The following TMEM135 variants were observed in gnomAD, a reference collection of about 807,000 sequenced individuals.
The protein encoded by TMEM135 is peroxisomal membrane protein 52.
In TMEM135, 30 loss-of-function variants were observed where a neutral mutation model predicts 60.3. The ratio of observed to expected loss-of-function variants is 0.50; its 90% CI spans 0.37 to 0.68. The LOEUF (loss-of-function observed/expected upper bound fraction) is 0.68, where lower values mean the gene tolerates loss of function less well. TMEM135 is among the 30% of genes least tolerant of loss of function. The pLI is 0.00. For synonymous variants in TMEM135, 190 were observed against 186.7 expected, an observed-to-expected ratio of 1.02 and a Z score of -0.14; for missense variants, 468 against 548.8, an observed-to-expected ratio of 0.85 and a Z score of 1.47.
In TMEM135 at chr11:87,322,042, G is replaced by A. The variant is rs1397542139; in HGVS notation, c.*709G>A. 2 of 454,238 alleles carry A rather than the reference G, an allele frequency of 4.4e-6. No homozygotes were observed. Among genetic ancestry groups the A allele is most frequent in the Non-Finnish European group, 8.8e-6 (2 of 226,738 alleles). 28.1% of individuals were successfully genotyped at this position (454,238 alleles called of 1,614,324 possible). On this transcript the variant is annotated 3_prime_UTR_variant, in exon 15 of 15. Coordinates refer to ENST00000305494, the MANE Select transcript of TMEM135 (RefSeq NM_022918.4). ...CCTATGTACTAATGGCAAGTTAGGG[G>A]CAAATGGAAATGGACACATCCGATA...
At chr11:87,263,144 G>A (rs570145170) in intron 6 of TMEM135, among the ~76,000 whole-genome samples, 7 of 152,270 alleles carry the variant, frequency 4.6e-5, no homozygotes, top group South Asian at 4.1e-4. Flanking sequence ...CTAATATGAA[G>A]AGAGGTGTAT....
At chr11:87,130,116 AT>A (rs34801765) in intron 4 of TMEM135, among the ~76,000 whole-genome samples, 46,498 of 146,084 alleles carry the variant, frequency 0.32, 7,581 homozygotes, top group East Asian at 0.56. Context: ...GTATAAGTAC[AT>A]TTTTAAAAAA....
chr11:87,237,402 A>G (rs186904599), intron 6 of TMEM135, among the ~76,000 whole-genome samples: 12 of 151,946 alleles, frequency 7.9e-5, no homozygotes, highest in Admixed American at 6.6e-4. Context: ...AGATCTTTTT[A>G]TATATTTATG....
chr11:87,209,775 A>G (rs1433825719), intron 5 of TMEM135, among the ~76,000 whole-genome samples: 1 of 152,212 alleles, frequency 6.6e-6, no homozygotes, highest in Non-Finnish European at 1.5e-5. Flanking sequence ...TTGGCCATAA[A>G]GCAAGTCTTT....
At chr11:87,132,843 A>G (rs979413790) in intron 4 of TMEM135, among the ~76,000 whole-genome samples, 3 of 152,220 alleles carry the variant, frequency 2.0e-5, no homozygotes, top group African/African-American at 7.2e-5. Context: ...CTATACGTAC[A>G]AACCTATGAT....
intron 4 of TMEM135, among the ~76,000 whole-genome samples, chr11:87,108,842 A>G (rs1409261220): frequency 6.6e-6 from 1 of 152,196 alleles, no homozygotes; most frequent in Non-Finnish European, 1.5e-5. Flanking sequence ...ACTAGAAGTA[A>G]TCAAAAGTTC....
intron 6 of TMEM135, among the ~76,000 whole-genome samples, chr11:87,284,876 C>CA (rs1942134861): frequency 6.6e-6 from 1 of 152,104 alleles, no homozygotes; most frequent in East Asian, 1.9e-4. Flanking sequence ...TACTAAGTGC[C>CA]ATATGAAGGC....
intron 13 of TMEM135, among the ~76,000 whole-genome samples, chr11:87,318,874 C>CTTTTTTTTTTTTTTTTTTTTTTA (rs71470739): frequency 7.4e-6 from 1 of 134,312 alleles, no homozygotes. Flanking sequence ...TTTTTTTTTT[C>CTTTTTTTTTTTTTTTTTTTTTTA]TTTTTTTTTT....
At chr11:87,269,015 G>T (rs1339326783) in intron 6 of TMEM135, among the ~76,000 whole-genome samples, 2 of 149,080 alleles carry the variant, frequency 1.3e-5, no homozygotes, top group African/African-American at 4.9e-5. Context: ...GCTTAAACTT[G>T]TTGTAGAGGT....
chr11:87,238,457 G>C (rs185311443), intron 6 of TMEM135, among the ~76,000 whole-genome samples: 18 of 152,142 alleles, frequency 1.2e-4, no homozygotes, highest in African/African-American at 4.1e-4. Context: ...TTTTGTATCA[G>C]TCATTGGGAT....
At chr11:87,064,053 A>G (rs1003775944) in intron 1 of TMEM135, among the ~76,000 whole-genome samples, 11 of 152,172 alleles carry the variant, frequency 7.2e-5, no homozygotes, top group African/African-American at 2.7e-4. Flanking sequence ...CGGTTTTCCA[A>G]GGGGACCACA....
intron 5 of TMEM135, among the ~76,000 whole-genome samples, chr11:87,160,606 T>C (rs1007499514): frequency 1.3e-5 from 2 of 152,204 alleles, no homozygotes; most frequent in Non-Finnish European, 2.9e-5. Flanking sequence ...TTTCCTAATT[T>C]TTATTAGCTG....
intron 5 of TMEM135, among the ~76,000 whole-genome samples, chr11:87,228,838 A>G (rs185899800): frequency 1.3e-5 from 2 of 152,294 alleles, no homozygotes; most frequent in Admixed American, 6.5e-5. Flanking sequence ...GGCTGTGTTT[A>G]CCTTCAGTCA....
intron 6 of TMEM135, among the ~76,000 whole-genome samples, chr11:87,282,923 A>G (rs1372725075): frequency 6.6e-6 from 1 of 152,078 alleles, no homozygotes; most frequent in African/African-American, 2.4e-5. Flanking sequence ...CCCAATTTCT[A>G]TTATTCATAC....
chr11:87,255,650 T>A (rs1022551400), intron 6 of TMEM135, among the ~76,000 whole-genome samples: 1 of 85,228 alleles, frequency 1.2e-5, no homozygotes, highest in African/African-American at 4.4e-5. Context: ...ATCTTGTCTC[T>A]TGAAAGAAAA....
At chr11:87,213,749 CAGTGAATG>C (rs1940431987) in intron 5 of TMEM135, among the ~76,000 whole-genome samples, 1 of 152,148 alleles carries the variant, frequency 6.6e-6, no homozygotes, top group Non-Finnish European at 1.5e-5. Context: ...AATTCTTATA[CAGTGAATG>C]AGTGAATAAA....
At chr11:87,289,997 A>G (rs544850858) in intron 6 of TMEM135, among the ~76,000 whole-genome samples, 1 of 116,070 alleles carries the variant, frequency 8.6e-6, no homozygotes, top group East Asian at 2.2e-4. Flanking sequence ...TTCCATGGAT[A>G]TATTCTGGAT....
chr11:87,236,984 A>G (rs558534738), intron 6 of TMEM135, among the ~76,000 whole-genome samples: 1 of 152,088 alleles, frequency 6.6e-6, no homozygotes, highest in South Asian at 2.1e-4. Context: ...TTTATCTTTT[A>G]TGGACCTGAT....
intron 6 of TMEM135, among the ~76,000 whole-genome samples, chr11:87,288,162 A>T (rs1317025695): frequency 6.6e-6 from 1 of 152,180 alleles, no homozygotes; most frequent in East Asian, 1.9e-4. Context: ...CCATATGTAA[A>T]TAATAAACAG....
Sources: gnomAD v4.1 joint callset for allele counts (sites outside exome capture counted in the v4.1 genomes callset) on GRCh38, gnomAD v4.1.1 for gene constraint, MANE v1.5 for transcripts, NCBI Gene and HGNC (gene_info 2026-07-23, HGNC 2026-07-21) for gene names.